The following SLC35F1 variants were observed in gnomAD, a reference collection of about 807,000 sequenced individuals.
SLC35F1 encodes solute carrier family 35 member F1.
SLC35F1 carries 14 observed loss-of-function variants against 48.7 expected under a neutral mutation model. That is an observed-to-expected ratio of 0.29 (90% confidence interval 0.19 to 0.45). The LOEUF is 0.45. Among genes scored for constraint, SLC35F1 ranks in the 20% least tolerant of loss-of-function variants. The pLI is 1.00. For synonymous variants in SLC35F1, 190 were observed against 202.2 expected (o/e 0.94, Z 0.51); for missense variants, 404 against 500.0 (o/e 0.81, Z 1.83).
At chr6:118,161,857 A>G (rs1774240456) in intron 2 of SLC35F1, among the ~76,000 whole-genome samples, 2 of 152,244 alleles carry the variant, frequency 1.3e-5, no homozygotes, top group African/African-American at 2.4e-5. Context: ...AGAAAATTAG[A>G]ATCCACTTCT....
At chr6:118,076,611 A>T (rs777106363) in intron 1 of SLC35F1, among the ~76,000 whole-genome samples, 4 of 152,154 alleles carry the variant, frequency 2.6e-5, no homozygotes, top group Non-Finnish European at 5.9e-5. Context: ...GCAAGGGGGA[A>T]GTTCACCCCT....
chr6:118,202,266 A>C (rs191083085), intron 2 of SLC35F1, among the ~76,000 whole-genome samples: 1 of 152,166 alleles, frequency 6.6e-6, no homozygotes, highest in African/African-American at 2.4e-5. Context: ...AGGCTGATGC[A>C]GGAGGATTGC....
chr6:118,250,849 G>A (rs1367059428), intron 3 of SLC35F1, among the ~76,000 whole-genome samples: 8 of 152,086 alleles, frequency 5.3e-5, no homozygotes, highest in African/African-American at 7.2e-5. Flanking sequence ...GTGCGTGCCC[G>A]TAATCCCAGC....
intron 1 of SLC35F1, among the ~76,000 whole-genome samples, chr6:118,084,684 T>C (rs1772959374): frequency 2.6e-5 from 4 of 151,932 alleles, no homozygotes. Flanking sequence ...GCTCAAGCAA[T>C]GAGGGTATGC....
At chr6:118,274,933 G>A (rs1421006832) in intron 4 of SLC35F1, among the ~76,000 whole-genome samples, 6 of 152,134 alleles carry the variant, frequency 3.9e-5, no homozygotes, top group South Asian at 2.1e-4. Context: ...AATGTATACT[G>A]ATTCTGTTTG....
rs553698553 is a variant in SLC35F1, at chr6:117,986,226, C to T, written c.173+78327C>T. The stretch of plus-strand genomic sequence containing the variant: ...TGGCTTAGCTTGGATCAGATGGCTG[C>T]TCTGGGGCCAATGAGCTGTGGCCAG... On this transcript the variant is annotated intron_variant, in intron 1 of 7. Transcript: ENST00000360388. 4.2e-4 allele frequency among the ~76,000 whole-genome samples: 64 copies of T among 152,246 alleles called. No individual in the cohort carries two copies. In the South Asian group the frequency reaches 0.011, roughly 27 times the overall value.
At chr6:118,084,235 A>G (rs1339865315) in intron 1 of SLC35F1, among the ~76,000 whole-genome samples, 1 of 152,136 alleles carries the variant, frequency 6.6e-6, no homozygotes, top group Non-Finnish European at 1.5e-5. Context: ...CCATGACTTT[A>G]TTAAGTTTTT....
intron 7 of SLC35F1, among the ~76,000 whole-genome samples, chr6:118,298,555 C>G (rs572381428): frequency 6.6e-6 from 1 of 152,294 alleles, no homozygotes; most frequent in East Asian, 1.9e-4. Flanking sequence ...GGTTTCTATT[C>G]CTGACAATAG....
chr6:118,094,527 C>G (rs184311056), intron 1 of SLC35F1, among the ~76,000 whole-genome samples: 45 of 152,198 alleles, frequency 3.0e-4, no homozygotes, highest in African/African-American at 9.4e-4. Context: ...ATAAAATAGA[C>G]AGAAGAGAAG....
intron 3 of SLC35F1, among the ~76,000 whole-genome samples, chr6:118,260,166 A>G (rs1178952581): frequency 6.6e-6 from 1 of 152,132 alleles, no homozygotes; most frequent in East Asian, 1.9e-4. Context: ...AATAGTCAGA[A>G]TAGGTAAATC....
At chr6:118,073,592 C>G (rs1772774605) in intron 1 of SLC35F1, among the ~76,000 whole-genome samples, 1 of 152,102 alleles carries the variant, frequency 6.6e-6, no homozygotes, top group Admixed American at 6.5e-5. Context: ...TTAGGTATAC[C>G]ATGAGTAAGT....
rs114714891 is a variant in SLC35F1, at chr6:118,260,117, T to C, written c.478-6878T>C. Among the ~76,000 whole-genome samples, 775 of 152,170 alleles carry C rather than the reference T, an allele frequency of 5.1e-3. 8 individuals are homozygous for C. The highest frequency in any genetic ancestry group is 0.018 in the African/African-American group (742 of 41,530). On this transcript the variant is annotated intron_variant, in intron 3 of 7. Coordinates refer to ENST00000360388, the MANE Select transcript of SLC35F1 (RefSeq NM_001029858.4). Reference sequence around the variant, plus strand: ...CATCATGTTAAATGAAAGAAACCAGTCACAAAGGGTCACATATTGTATGAT... The same window carrying C: ...CATCATGTTAAATGAAAGAAACCAGCCACAAAGGGTCACATATTGTATGAT...
Position 118,142,640 on chromosome 6 carries a change from A to C in SLC35F1, c.174-11805A>C, listed in dbSNP as rs140269805. On this transcript the variant is annotated intron_variant, in intron 1 of 7. Coordinates refer to ENST00000360388, the MANE Select transcript of SLC35F1 (RefSeq NM_001029858.4). ...TTCTTCCCCGTCATTATAATATTTA[A>C]TTATGGTAAATATCCAATTTTCATT... Among the ~76,000 whole-genome samples the C allele has an allele frequency of 7.2e-5, 11 of 152,252 alleles. No homozygotes were observed. The East Asian group carries it at 2.1e-3, about 29-fold the overall frequency.
chr6:118,248,023 A>G (rs950267909), intron 3 of SLC35F1, among the ~76,000 whole-genome samples: 1 of 152,238 alleles, frequency 6.6e-6, no homozygotes, highest in South Asian at 2.1e-4. Flanking sequence ...GGATATTCCA[A>G]TGAGTGCTCA....
chr6:117,995,127 C>T (rs1231979327), intron 1 of SLC35F1, among the ~76,000 whole-genome samples: 3 of 152,154 alleles, frequency 2.0e-5, no homozygotes, highest in African/African-American at 7.2e-5. Context: ...ATAACAGAGT[C>T]ACAGAATTTA....
At position 118,282,616 on chromosome 6, in the gene SLC35F1, G is replaced by A. The variant is rs142136276; in HGVS notation, c.848-2568G>A. ...AGATCCTTTTGGATAATGCATAAGCGTCGAAAACAACACATTCAAAATGGA... is the reference window on the plus strand; with the variant it reads ...AGATCCTTTTGGATAATGCATAAGCATCGAAAACAACACATTCAAAATGGA... On this transcript the variant is annotated intron_variant, in intron 6 of 7. Coordinates refer to ENST00000360388, the MANE Select transcript of SLC35F1 (RefSeq NM_001029858.4). 6.6e-5 allele frequency among the ~76,000 whole-genome samples: 10 copies of A among 152,256 alleles called. No homozygotes were observed. The East Asian group carries it at 1.5e-3, about 24-fold the overall frequency.
chr6:118,299,522 C>T (rs746103725), intron 7 of SLC35F1, among the ~76,000 whole-genome samples: 45 of 151,996 alleles, frequency 3.0e-4, no homozygotes, highest in African/African-American at 3.9e-4. Context: ...ATAACATTAT[C>T]GGAATATTTT....
At chr6:118,235,944 A>T (rs996110123) in intron 3 of SLC35F1, among the ~76,000 whole-genome samples, 1 of 152,198 alleles carries the variant, frequency 6.6e-6, no homozygotes, top group Non-Finnish European at 1.5e-5. Flanking sequence ...ATGTAAAAAA[A>T]ATTTGTGGCT....
In SLC35F1 at chr6:118,277,927, A is replaced by G. The variant is rs1227099223; in HGVS notation, c.847+381A>G. ...AACCATTAAAAAGTGCTACTTTAGT[A>G]AAGGGAAAAAAACTGAACTTAACAA... is the stretch of plus-strand genomic sequence containing the variant. On this transcript the variant is annotated intron_variant, in intron 6 of 7. Transcript: ENST00000360388. Among the ~76,000 whole-genome samples the G allele has an allele frequency of 2.0e-5, 3 of 152,230 alleles. No homozygotes were observed. In the South Asian group the frequency reaches 6.2e-4, roughly 31 times the overall value.
Sources: gnomAD v4.1 joint callset for allele counts (sites outside exome capture counted in the v4.1 genomes callset) on GRCh38, gnomAD v4.1.1 for gene constraint, MANE v1.5 for transcripts, NCBI Gene and HGNC (gene_info 2026-07-23, HGNC 2026-07-21) for gene names.